Variants in EIPR1 observed in about 807,000 individuals in gnomAD.
EIPR1 encodes the protein EARP and GARP complex-interacting protein 1.
Under a neutral mutation model 48.1 loss-of-function variants are expected in EIPR1, and 25 were observed. The ratio of observed to expected loss-of-function variants is 0.52; its 90% CI spans 0.38 to 0.73. The LOEUF (loss-of-function observed/expected upper bound fraction) is 0.73. EIPR1 is among the 30% of genes least tolerant of loss of function. The pLI, the probability that EIPR1 is intolerant of heterozygous loss-of-function variation, is 0.00. For synonymous variants in EIPR1, 204 were observed against 201.9 expected, an observed-to-expected ratio of 1.01 and a Z score of -0.09; for missense variants, 415 against 506.2, an observed-to-expected ratio of 0.82 and a Z score of 1.73.
intron 3 of EIPR1, among the ~76,000 whole-genome samples, chr2:3,325,492 G>A (rs552290853): frequency 1.2e-3 from 189 of 152,288 alleles, no homozygotes; most frequent in Non-Finnish European, 2.1e-3. Flanking sequence ...CCACTCGAGG[G>A]CCGCCCAGTG....
chr2:3,210,620 C>T (rs1361120761), intron 5 of EIPR1, among the ~76,000 whole-genome samples: 2 of 138,648 alleles, frequency 1.4e-5, no homozygotes, highest in African/African-American at 5.3e-5. Flanking sequence ...CTGTTTACCT[C>T]CCAATTCTTT....
intron 3 of EIPR1, among the ~76,000 whole-genome samples, chr2:3,273,539 AC>A (rs1462411800): frequency 6.8e-6 from 1 of 146,776 alleles, no homozygotes; most frequent in Admixed American, 6.8e-5. Context: ...GCAAAAAAAA[AC>A]CCACTTGTTT....
chr2:3,342,353 G>A (rs1670276900), intron 2 of EIPR1, among the ~76,000 whole-genome samples: 2 of 152,200 alleles, frequency 1.3e-5, no homozygotes, highest in Non-Finnish European at 2.9e-5. Flanking sequence ...GGGAATTTTT[G>A]TTCCTCAGTA....
At position 3,347,560 on chromosome 2, in the gene EIPR1, CT is replaced by C. The variant is rs757790724; in HGVS notation, c.126+6989del. ...GTGGAACTGTGAGTCCATTAAACCT[CT>C]TTTTCTTTCCCGTCTCGGGTATGTC... is the stretch of plus-strand genomic sequence containing the variant. On this transcript the variant is annotated intron_variant, in intron 2 of 8. Transcript: ENST00000382125. Among the ~76,000 whole-genome samples the C allele has an allele frequency of 9.2e-5, 14 of 152,296 alleles. No homozygotes were observed. In the South Asian group the frequency reaches 1.0e-3, roughly 11 times the overall value.
intron 1 of EIPR1, among the ~76,000 whole-genome samples, chr2:3,370,019 C>T (rs914818834): frequency 2.0e-5 from 3 of 152,098 alleles, no homozygotes; most frequent in South Asian, 2.1e-4. Flanking sequence ...CTCACACGGC[C>T]GGGTACTCCT....
At chr2:3,327,768 G>A (rs568405812) in intron 3 of EIPR1, among the ~76,000 whole-genome samples, 3 of 152,214 alleles carry the variant, frequency 2.0e-5, no homozygotes, top group South Asian at 4.1e-4. Flanking sequence ...AGTTCCCAGT[G>A]CCCCTTCCTT....
chr2:3,209,687 G>A (rs1261425139), intron 5 of EIPR1, among the ~76,000 whole-genome samples: 2 of 152,158 alleles, frequency 1.3e-5, no homozygotes, highest in Non-Finnish European at 1.5e-5. Flanking sequence ...ATTACTCAGT[G>A]ATAAAAAGAA....
intron 3 of EIPR1, among the ~76,000 whole-genome samples, chr2:3,336,035 G>A (rs1190648592): frequency 1.3e-5 from 2 of 152,186 alleles, no homozygotes; most frequent in African/African-American, 4.8e-5. Flanking sequence ...GGGAAGATCA[G>A]GAAGTCAGAG....
At chr2:3,327,573 A>G (rs528642567) in intron 3 of EIPR1, among the ~76,000 whole-genome samples, 1 of 152,356 alleles carries the variant, frequency 6.6e-6, no homozygotes, top group South Asian at 2.1e-4. Context: ...TAGTGAAGCG[A>G]ATTAACATAT....
chr2:3,214,749 G>C (rs991004971), intron 4 of EIPR1, among the ~76,000 whole-genome samples: 2 of 152,192 alleles, frequency 1.3e-5, no homozygotes, highest in Non-Finnish European at 2.9e-5. Context: ...GTGAAAGGTA[G>C]AATGGTTGTA....
Position 3,265,451 on chromosome 2 carries a change from C to T in EIPR1, c.260-7996G>A, listed in dbSNP as rs151282671. Among the ~76,000 whole-genome samples, 8 of 152,264 alleles carry T rather than the reference C, an allele frequency of 5.3e-5. No homozygotes were observed. In the East Asian group the frequency reaches 9.6e-4, roughly 18 times the overall value. On this transcript the variant is annotated intron_variant, in intron 3 of 8. Transcript: ENST00000382125. ...GTGGATCCCAACAGTGTTCAACACA[C>T]ATCCAGCAGCCATCAAAGAAACTAA...
chr2:3,219,447 C>T (rs558649829), intron 4 of EIPR1, among the ~76,000 whole-genome samples: 3 of 149,872 alleles, frequency 2.0e-5, no homozygotes, highest in Admixed American at 2.0e-4. Context: ...CCCTGATATG[C>T]TCTAGAGCTT....
At chr2:3,249,322 G>A (rs1336050509) in intron 4 of EIPR1, among the ~76,000 whole-genome samples, 1 of 152,228 alleles carries the variant, frequency 6.6e-6, no homozygotes, top group African/African-American at 2.4e-5. Context: ...GAGCTTGGCT[G>A]CATTGTGTCC....
chr2:3,189,220 C>G lies in EIPR1; in HGVS notation c.*114G>C. 2 of 1,149,514 alleles carry G rather than the reference C, an allele frequency of 1.7e-6. No homozygotes were observed. The highest frequency in any genetic ancestry group is 2.3e-6 in the Non-Finnish European group (2 of 851,592). 71.2% of individuals were successfully genotyped at this position (1,149,514 alleles called of 1,614,324 possible). A position where few individuals can be genotyped will look rare whatever the true frequency, so the allele number is the denominator to read the frequency against. ...CTGCTACAGGAAGGGAACAGCGGCT[C>G]TCCCAGAGAGGGATCCACCTGGAAC... On this transcript the variant is annotated 3_prime_UTR_variant, in exon 9 of 9. Transcript: ENST00000382125. The surrounding 1 kb of genome is among the most constrained non-coding windows in gnomAD (Gnocchi z 4.6).
intron 3 of EIPR1, among the ~76,000 whole-genome samples, chr2:3,305,881 T>C (rs934430087): frequency 6.6e-6 from 1 of 152,216 alleles, no homozygotes; most frequent in African/African-American, 2.4e-5. Context: ...CTCCTTTCTT[T>C]CCTATTTATT....
chr2:3,350,218 A>G (rs187000438), intron 2 of EIPR1, among the ~76,000 whole-genome samples: 49 of 151,738 alleles, frequency 3.2e-4, no homozygotes, highest in Admixed American at 3.2e-3. Flanking sequence ...TACAGGGGAC[A>G]TGGCTGGAGA....
At chr2:3,208,332 C>A in intron 5 of EIPR1, 1 of 842,948 alleles carries the variant, frequency 1.2e-6, no homozygotes, top group Non-Finnish European at 1.8e-6. Context: ...CAGGCAGGAG[C>A]CACCGTGAGC....
chr2:3,192,478 G>T lies in EIPR1; in HGVS notation c.925C>A (p.Pro309Thr). ...LSNMVSISSE[P>T]FGHLVDDDDI... ...TCGTCGTCTACCAAGTGGCCGAAGGGCTCCGACGAGATGGACACCATGTTG... is the reference window on the plus strand; with the variant it reads ...TCGTCGTCTACCAAGTGGCCGAAGGTCTCCGACGAGATGGACACCATGTTG... Residue 309 changes from proline to threonine, a missense_variant, in exon 8 of 9, where the codon CCC becomes ACC. Pro to Thr is a conservative substitution (Grantham distance 38). Transcript: ENST00000382125. 6.2e-7 allele frequency: 1 copy of T among 1,613,130 alleles called. No individual in the cohort carries two copies. Among genetic ancestry groups the T allele is most frequent in the South Asian group, 1.1e-5 (1 of 90,966 alleles).
intron 1 of EIPR1, among the ~76,000 whole-genome samples, chr2:3,371,851 G>C (rs1381877716): frequency 6.6e-6 from 1 of 152,160 alleles, no homozygotes. Flanking sequence ...AGGATACCCA[G>C]GAATTGAACT....
Sources: gnomAD v4.1 joint callset for allele counts (sites outside exome capture counted in the v4.1 genomes callset) on GRCh38, gnomAD v4.1.1 for gene constraint, Gnocchi (gnomAD v3.1) non-coding constraint, MANE v1.5 for transcripts, NCBI Gene and HGNC (gene_info 2026-07-23, HGNC 2026-07-21) for gene names.